Variants in TLL2 observed in about 807,000 individuals in gnomAD.
The protein encoded by TLL2 is tolloid like 2.
In TLL2, 106 loss-of-function variants were observed where a neutral mutation model predicts 123.0. The observed-to-expected ratio is 0.86, with a 90% CI of 0.74 to 1.01. The LOEUF (loss-of-function observed/expected upper bound fraction) is 1.01. Among genes scored for constraint, TLL2 ranks in the 50% least tolerant of loss-of-function variants. The pLI, the probability that TLL2 is intolerant of heterozygous loss-of-function variation, is 0.00. For missense variants in TLL2, 1,332 were observed against 1,336.7 expected, an observed-to-expected ratio of 1.00 and a Z score of 0.06; for synonymous variants, 494 against 516.8, an observed-to-expected ratio of 0.96 and a Z score of 0.60.
At chr10:96,422,262 G>A (rs530961126) in intron 6 of TLL2, among the ~76,000 whole-genome samples, 3 of 149,532 alleles carry the variant, frequency 2.0e-5, no homozygotes, top group East Asian at 2.0e-4. Context: ...TGTTCTGGTC[G>A]ACTGTGTTCC....
chr10:96,410,362 T>C lies in TLL2; in HGVS notation c.1161A>G (p.Glu387=), dbSNP rs148070464. ...CVWRISVTPG[E]KIVLNFTSMD... is the part of the protein sequence containing the mutation. ...GCCAAGGGGGCTTCCCACCTACCTT[T>C]TCCCCTGGGGTGACCGAGATCCTCC... The change falls in exon 9 of 21, where the codon GAA becomes GAG. Residue 387 remains glutamate, a synonymous_variant. Transcript: ENST00000357947. The C allele has an allele frequency of 3.7e-6, 6 of 1,612,496 alleles. No homozygotes were observed. Among genetic ancestry groups the C allele is most frequent in the Non-Finnish European group, 5.1e-6 (6 of 1,179,680 alleles).
intron 19 of TLL2, among the ~76,000 whole-genome samples, chr10:96,372,497 G>GCAGA (rs1229239506): frequency 6.6e-6 from 1 of 152,184 alleles, no homozygotes; most frequent in African/African-American, 2.4e-5. Context: ...TGGCTAAAGA[G>GCAGA]CAGAGCCAAA....
intron 19 of TLL2, among the ~76,000 whole-genome samples, chr10:96,372,881 G>C (rs1846097223): frequency 6.6e-6 from 1 of 152,068 alleles, no homozygotes; most frequent in African/African-American, 2.4e-5. Flanking sequence ...ATCGGGGGGT[G>C]GTCTCACCAT....
At chr10:96,372,715 C>T (rs1174597649) in intron 19 of TLL2, among the ~76,000 whole-genome samples, 2 of 152,184 alleles carry the variant, frequency 1.3e-5, no homozygotes, top group Non-Finnish European at 2.9e-5. Flanking sequence ...TTCTGGACTT[C>T]ATAGACCAGC....
At chr10:96,406,927 T>A (rs1301953820) in intron 9 of TLL2, among the ~76,000 whole-genome samples, 1 of 151,948 alleles carries the variant, frequency 6.6e-6, no homozygotes. Context: ...TCCGCATCCC[T>A]CCCCTCTAAC....
Position 96,461,926 on chromosome 10 carries a change from C to T in TLL2, c.287-15758G>A, listed in dbSNP as rs1001439511. Among the ~76,000 whole-genome samples the T allele has an allele frequency of 3.9e-5, 6 of 152,192 alleles. No homozygotes were observed. In the South Asian group the frequency reaches 1.2e-3, roughly 32 times the overall value. On this transcript the variant is annotated intron_variant, in intron 2 of 20. Transcript: ENST00000357947. ...TAATTCTGTGTGACCCCATCTATCA[C>T]CCCTATAAGACGCTCTACTCCTTAA...
chr10:96,472,505 T>C (rs1847193558), intron 2 of TLL2, among the ~76,000 whole-genome samples: 2 of 152,312 alleles, frequency 1.3e-5, no homozygotes, highest in Middle Eastern at 3.4e-3. Context: ...CTCGCACTTA[T>C]AATCCCAATA....
intron 1 of TLL2, among the ~76,000 whole-genome samples, chr10:96,484,034 G>T (rs950013089): frequency 6.6e-6 from 1 of 152,174 alleles, no homozygotes; most frequent in Admixed American, 6.5e-5. Flanking sequence ...AGTAGAGATG[G>T]GGTTTCACCA....
In TLL2 at chr10:96,513,574, C is replaced by G. The variant is rs1292893658; in HGVS notation, c.112G>C (p.Glu38Gln). ...TCCGTGCCCTCCTCGCCGTCCAGCT[C>G]TGAGTAGTCTGCGGTGGCGTCCGGG... Reference protein sequence around the residue: ...ERPDATADYSELDGEEGTEQQ... With the variant: ...ERPDATADYSQLDGEEGTEQQ... Residue 38 changes from glutamate to glutamine, a missense_variant, in exon 1 of 21, where the codon GAG becomes CAG. Coordinates refer to ENST00000357947, the MANE Select transcript of TLL2 (RefSeq NM_012465.4). 1.9e-6 allele frequency: 3 copies of G among 1,610,658 alleles called. No individual in the cohort carries two copies. Among genetic ancestry groups the G allele is most frequent in the East Asian group, 4.5e-5 (2 of 44,784 alleles).
intron 1 of TLL2, among the ~76,000 whole-genome samples, chr10:96,489,106 T>C (rs886244248): frequency 1.3e-5 from 2 of 152,234 alleles, no homozygotes; most frequent in African/African-American, 4.8e-5. Context: ...AGGGCAACCC[T>C]CATGGCACAC....
At chr10:96,432,583 G>C (rs959906205) in intron 4 of TLL2, among the ~76,000 whole-genome samples, 4 of 152,094 alleles carry the variant, frequency 2.6e-5, no homozygotes, top group African/African-American at 9.7e-5. Context: ...ATGAAGCATC[G>C]GGGAGCAAGG....
At chr10:96,458,757 C>A (rs139161822) in intron 2 of TLL2, among the ~76,000 whole-genome samples, 2,514 of 151,972 alleles carry the variant, frequency 0.017, 70 homozygotes, top group African/African-American at 0.058. Flanking sequence ...GGCAACAGAG[C>A]AAGACTCTGT....
At chr10:96,410,627 C>T (rs1257608721) in intron 8 of TLL2, 153 bp from the exon 9 acceptor site, 2 of 711,562 alleles carry the variant, frequency 2.8e-6, no homozygotes, top group Middle Eastern at 2.3e-4. Context: ...TTGATGTTTT[C>T]TGGCTAACAA....
intron 16 of TLL2, among the ~76,000 whole-genome samples, chr10:96,379,302 ATTCTCCAAGTAC>A (rs1363494181): frequency 6.6e-6 from 1 of 152,106 alleles, no homozygotes; most frequent in African/African-American, 2.4e-5. Flanking sequence ...TATGTGTTGA[ATTCTCCAAGTAC>A]TTTATGTATG....
At chr10:96,452,998 G>A (rs1407473632) in intron 2 of TLL2, among the ~76,000 whole-genome samples, 1 of 152,128 alleles carries the variant, frequency 6.6e-6, no homozygotes, top group African/African-American at 2.4e-5. Context: ...AGAAGAGAAC[G>A]GGAAAATGAG....
At position 96,386,947 on chromosome 10, in the gene TLL2, A is replaced by G. The variant is rs1846240295; in HGVS notation, c.1852+6T>C. ...CTCATTCTAGCTTGGCAGGTCCCAC[A>G]CCAACCTTCACACATCTTCTTATCG... On this transcript the variant is annotated splice_donor_region_variant and intron_variant, in intron 14 of 20. Coordinates refer to ENST00000357947, the MANE Select transcript of TLL2 (RefSeq NM_012465.4). The G allele has an allele frequency of 6.2e-7, 1 of 1,613,886 alleles. No homozygotes were observed. Among genetic ancestry groups the G allele is most frequent in the Non-Finnish European group, 8.5e-7 (1 of 1,179,952 alleles).
chr10:96,371,538 G>A (rs560606832), intron 19 of TLL2, among the ~76,000 whole-genome samples: 15 of 152,246 alleles, frequency 9.9e-5, no homozygotes, highest in Non-Finnish European at 1.9e-4. Context: ...GCCTGGCCCC[G>A]GTCCTGTCTG....
At chr10:96,476,118 C>A (rs1418404678) in intron 2 of TLL2, among the ~76,000 whole-genome samples, 4 of 150,760 alleles carry the variant, frequency 2.7e-5, no homozygotes, top group African/African-American at 9.8e-5. Flanking sequence ...GAGGCACTTA[C>A]CAAAGCTTGG....
intron 11 of TLL2, among the ~76,000 whole-genome samples, chr10:96,396,281 A>G (rs6584070): frequency 0.48 from 72,611 of 152,014 alleles, 17,775 homozygotes; most frequent in Non-Finnish European, 0.53. Context: ...AAATCGCCTG[A>G]GGGAGTTTGC....
Sources: gnomAD v4.1 joint callset for allele counts (sites outside exome capture counted in the v4.1 genomes callset) on GRCh38, gnomAD v4.1.1 for gene constraint, MANE v1.5 for transcripts, NCBI Gene and HGNC (gene_info 2026-07-23, HGNC 2026-07-21) for gene names.